SGCZ: variants seen among roughly 807,000 people sequenced by gnomAD.
SGCZ encodes zeta-sarcoglycan.
SGCZ carries 40 observed loss-of-function variants against 41.3 expected under a neutral mutation model. That is an observed-to-expected ratio of 0.97 (90% CI 0.75 to 1.26). SGCZ has a LOEUF of 1.26. Among genes scored for constraint, SGCZ ranks in the 50% most tolerant of loss-of-function variants. The probability of loss-of-function intolerance (pLI) is 0.00; values close to 1 mark genes in which losing one functional copy is unlikely to be tolerated. For missense variants in SGCZ, 552 were observed against 369.8 expected, an observed-to-expected ratio of 1.49 and a Z score of -4.04; for synonymous variants, 206 against 137.5, an observed-to-expected ratio of 1.50 and a Z score of -3.49.
At chr8:14,168,993 A>G (rs1433748039) in intron 4 of SGCZ, among the ~76,000 whole-genome samples, 1 of 152,176 alleles carries the variant, frequency 6.6e-6, no homozygotes. Context: ...CCAAGGCACT[A>G]AGATTTAAGA....
chr8:14,613,695 A>G (rs1245114944), intron 1 of SGCZ, among the ~76,000 whole-genome samples: 3 of 152,052 alleles, frequency 2.0e-5, no homozygotes, highest in East Asian at 1.9e-4. Context: ...ATCATTTTTA[A>G]TATACTGGAA....
At chr8:14,173,351 G>A (rs1338424240) in intron 4 of SGCZ, among the ~76,000 whole-genome samples, 1 of 151,928 alleles carries the variant, frequency 6.6e-6, no homozygotes, top group Non-Finnish European at 1.5e-5. Context: ...AGATGTAAAG[G>A]AAGACGGACA....
intron 1 of SGCZ, among the ~76,000 whole-genome samples, chr8:14,970,925 T>C (rs1164484233): frequency 1.3e-5 from 2 of 152,200 alleles, no homozygotes; most frequent in Non-Finnish European, 2.9e-5. Flanking sequence ...TTTCCAGCCA[T>C]GAATACTACA....
intron 5 of SGCZ, among the ~76,000 whole-genome samples, chr8:14,147,916 C>G (rs573345873): frequency 4.9e-4 from 75 of 152,104 alleles, no homozygotes; most frequent in African/African-American, 1.8e-3. Flanking sequence ...GCGAACTATA[C>G]AAATACCTAG....
intron 1 of SGCZ, among the ~76,000 whole-genome samples, chr8:14,841,244 G>A (rs1229320349): frequency 1.3e-5 from 2 of 152,072 alleles, no homozygotes; most frequent in Non-Finnish European, 2.9e-5. Context: ...AAACTAAAGA[G>A]CAATCCACCT....
intron 1 of SGCZ, among the ~76,000 whole-genome samples, chr8:14,770,449 G>A (rs1432049941): frequency 6.6e-6 from 1 of 151,718 alleles, no homozygotes; most frequent in African/African-American, 2.4e-5. Flanking sequence ...GGGGTAAGGA[G>A]AGGGAGGTAA....
chr8:14,097,878 A>C (rs1033354310), intron 7 of SGCZ, among the ~76,000 whole-genome samples: 1 of 152,102 alleles, frequency 6.6e-6, no homozygotes, highest in East Asian at 1.9e-4. Flanking sequence ...CTGTTAGTTT[A>C]AAGTCTGTTT....
At chr8:14,962,388 A>G (rs1026169853) in intron 1 of SGCZ, among the ~76,000 whole-genome samples, 5 of 104,062 alleles carry the variant, frequency 4.8e-5, no homozygotes, top group East Asian at 2.4e-4. Flanking sequence ...AGGTAATTGT[A>G]TATATATATA....
chr8:14,662,000 T>G (rs886089296), intron 1 of SGCZ, among the ~76,000 whole-genome samples: 1 of 152,206 alleles, frequency 6.6e-6, no homozygotes, highest in African/African-American at 2.4e-5. Flanking sequence ...AGACTTATAT[T>G]ATTATACCAA....
chr8:15,136,242 ATTAT>A (rs1401353133), intron 1 of SGCZ, among the ~76,000 whole-genome samples: 2 of 151,998 alleles, frequency 1.3e-5, no homozygotes, highest in African/African-American at 4.8e-5. Flanking sequence ...ATGCACCATG[ATTAT>A]TTAAACTTTC....
At chr8:14,351,761 T>C (rs1803105922) in intron 2 of SGCZ, among the ~76,000 whole-genome samples, 1 of 152,112 alleles carries the variant, frequency 6.6e-6, no homozygotes, top group Non-Finnish European at 1.5e-5. Context: ...TGAATTCTGC[T>C]GACTGATTTG....
At position 15,078,523 on chromosome 8, in the gene SGCZ, G is replaced by A. The variant is rs560449563; in HGVS notation, c.39+159062C>T. 2.6e-5 allele frequency among the ~76,000 whole-genome samples: 4 copies of A among 152,120 alleles called. No individual in the cohort carries two copies. In the South Asian group the frequency reaches 8.3e-4, roughly 32 times the overall value. On this transcript the variant is annotated intron_variant, in intron 1 of 7. Transcript: ENST00000382080. The stretch of plus-strand genomic sequence containing the variant: ...GCCTTCACATAGCCATGAGAAGGAT[G>A]TGATATCTCCCAGATATACCACAGG...
At chr8:15,072,725 G>A (rs1280008681) in intron 1 of SGCZ, among the ~76,000 whole-genome samples, 1 of 152,112 alleles carries the variant, frequency 6.6e-6, no homozygotes, top group African/African-American at 2.4e-5. Context: ...GGAAAAGTGA[G>A]GAAGCTTTGC....
intron 3 of SGCZ, among the ~76,000 whole-genome samples, chr8:14,313,982 A>T (rs956071007): frequency 5.3e-5 from 8 of 151,468 alleles, no homozygotes; most frequent in Middle Eastern, 3.4e-3. Flanking sequence ...GAAAAACCAC[A>T]GGTAATTCTT....
At chr8:14,576,115 A>G (rs1273182339) in intron 1 of SGCZ, among the ~76,000 whole-genome samples, 1 of 152,190 alleles carries the variant, frequency 6.6e-6, no homozygotes, top group African/African-American at 2.4e-5. Context: ...ATTTCCGGAC[A>G]GTAATTGATC....
Position 14,708,573 on chromosome 8 carries a change from T to C in SGCZ, c.40-153647A>G, listed in dbSNP as rs192619350. On this transcript the variant is annotated intron_variant, in intron 1 of 7. Coordinates refer to ENST00000382080, the MANE Select transcript of SGCZ (RefSeq NM_139167.4). The stretch of plus-strand genomic sequence containing the variant: ...GAGATTTCTGACATGCCTGAGCCTG[T>C]CCCTGACCAACTTGGAAAGGGCTCT... Among the ~76,000 whole-genome samples the C allele has an allele frequency of 2.0e-5, 3 of 152,160 alleles. No homozygotes were observed. The East Asian group carries it at 5.8e-4, about 29-fold the overall frequency.
intron 2 of SGCZ, among the ~76,000 whole-genome samples, chr8:14,498,618 C>A (rs1284167763): frequency 2.0e-5 from 3 of 151,674 alleles, no homozygotes; most frequent in Non-Finnish European, 4.4e-5. Context: ...TCCTTATTTC[C>A]TTTTAACTTT....
intron 4 of SGCZ, among the ~76,000 whole-genome samples, chr8:14,220,551 T>A (rs1302825273): frequency 6.6e-6 from 1 of 152,018 alleles, no homozygotes; most frequent in East Asian, 1.9e-4. Context: ...TTGTTTACTT[T>A]TCTGTGTATG....
chr8:14,331,518 T>G (rs1464726760), intron 2 of SGCZ, among the ~76,000 whole-genome samples: 1 of 152,116 alleles, frequency 6.6e-6, no homozygotes, highest in Non-Finnish European at 1.5e-5. Context: ...TCATTTTAAT[T>G]GGCCTCCCTG....
Sources: gnomAD v4.1 joint callset for allele counts (sites outside exome capture counted in the v4.1 genomes callset) on GRCh38, gnomAD v4.1.1 for gene constraint, MANE v1.5 for transcripts, NCBI Gene and HGNC (gene_info 2026-07-23, HGNC 2026-07-21) for gene names.